EYS: variants seen among roughly 807,000 people sequenced by gnomAD.
The protein encoded by EYS is protein eyes shut homolog.
In EYS, 250 loss-of-function variants were observed where a neutral mutation model predicts 282.1. The observed-to-expected ratio is 0.89, with a 90% CI of 0.80 to 0.98. The LOEUF (loss-of-function observed/expected upper bound fraction) is 0.98, where lower values mean the gene tolerates loss of function less well. Ranked by LOEUF, EYS falls within the 50% of genes least tolerant of loss-of-function variation. The pLI, the probability that EYS is intolerant of heterozygous loss-of-function variation, is 0.00. For synonymous variants in EYS, 1,355 were observed against 1,282.9 expected (o/e 1.06, Z -1.20); for missense variants, 4,016 against 3,709.0 (o/e 1.08, Z -2.15).
intron 21 of EYS, among the ~76,000 whole-genome samples, chr6:64,817,931 A>G (rs1452662026): frequency 3.3e-5 from 5 of 152,220 alleles, no homozygotes; most frequent in East Asian, 3.9e-4. Flanking sequence ...GAGAACTTAC[A>G]TGAGTCCTTG....
At chr6:65,698,956 G>A (rs751762275) in intron 1 of EYS, among the ~76,000 whole-genome samples, 23 of 152,100 alleles carry the variant, frequency 1.5e-4, no homozygotes, top group Non-Finnish European at 2.6e-4. Flanking sequence ...AACATAATGT[G>A]TATTTCTTCA....
intron 36 of EYS, among the ~76,000 whole-genome samples, chr6:63,840,355 C>T (rs1002850134): frequency 7.9e-5 from 12 of 151,956 alleles, no homozygotes; most frequent in Admixed American, 1.3e-4. Context: ...TGAGCCACCA[C>T]GCCCAGCCCC....
intron 31 of EYS, among the ~76,000 whole-genome samples, chr6:64,195,597 C>G (rs1336457716): frequency 1.3e-5 from 2 of 152,112 alleles, no homozygotes; most frequent in Non-Finnish European, 2.9e-5. Flanking sequence ...CTATGCCCAG[C>G]TTTTTTATTA....
chr6:64,880,839 C>T (rs62417103), intron 19 of EYS, among the ~76,000 whole-genome samples: 20,126 of 142,214 alleles, frequency 0.14, 1,739 homozygotes, highest in East Asian at 0.51. Flanking sequence ...TATATATATA[C>T]ACACACACAT....
At chr6:64,189,501 A>G (rs1765042949) in intron 31 of EYS, among the ~76,000 whole-genome samples, 1 of 152,240 alleles carries the variant, frequency 6.6e-6, no homozygotes, top group African/African-American at 2.4e-5. Context: ...AATCAGCTTC[A>G]TGTGTCCACT....
chr6:64,836,203 G>T (rs996408820), intron 19 of EYS, among the ~76,000 whole-genome samples: 1 of 150,086 alleles, frequency 6.7e-6, no homozygotes, highest in Non-Finnish European at 1.5e-5. Context: ...TTTTCATTTG[G>T]TGACATGGTC....
intron 33 of EYS, among the ~76,000 whole-genome samples, chr6:64,045,383 G>GTTTATTTTATTTTAT (rs548483513): frequency 2.1e-3 from 291 of 137,536 alleles, no homozygotes; most frequent in South Asian, 5.6e-3. Flanking sequence ...GGTGAAACAA[G>GTTTATTTTATTTTAT]TTTATTTTAT....
At chr6:64,305,879 A>G (rs1769426494) in intron 30 of EYS, among the ~76,000 whole-genome samples, 1 of 152,208 alleles carries the variant, frequency 6.6e-6, no homozygotes, top group African/African-American at 2.4e-5. Context: ...AAAAACAGAC[A>G]TTAGACTTCA....
At chr6:64,340,887 C>T (rs1057378279) in intron 29 of EYS, among the ~76,000 whole-genome samples, 18 of 151,622 alleles carry the variant, frequency 1.2e-4, no homozygotes, top group Non-Finnish European at 2.4e-4. Context: ...CAAATAACAC[C>T]ATTAAAATGT....
At chr6:64,567,442 T>C (rs577786795) in intron 26 of EYS, among the ~76,000 whole-genome samples, 1 of 152,338 alleles carries the variant, frequency 6.6e-6, no homozygotes, top group South Asian at 2.1e-4. Flanking sequence ...GTGTCAAGCA[T>C]GGTATTATAT....
intron 5 of EYS, among the ~76,000 whole-genome samples, chr6:65,427,832 A>G (rs941055801): frequency 2.6e-5 from 4 of 152,108 alleles, no homozygotes; most frequent in African/African-American, 9.6e-5. Context: ...ATAATTCATG[A>G]CATACTAAGG....
At chr6:64,856,598 C>T (rs1166961268) in intron 19 of EYS, among the ~76,000 whole-genome samples, 1 of 152,042 alleles carries the variant, frequency 6.6e-6, no homozygotes, top group African/African-American at 2.4e-5. Context: ...GGTGCCTGGC[C>T]TGCCCATTTT....
intron 35 of EYS, among the ~76,000 whole-genome samples, chr6:63,912,784 C>T (rs1450497428): frequency 6.0e-5 from 9 of 150,536 alleles, no homozygotes; most frequent in East Asian, 4.0e-4. Flanking sequence ...ACTCCCCACC[C>T]GCCCCCCCGA....
intron 35 of EYS, among the ~76,000 whole-genome samples, chr6:63,910,964 C>T (rs596378): frequency 0.97 from 147,931 of 152,276 alleles, 71,977 homozygotes; most frequent in Middle Eastern, 1. Context: ...CTCAGAATGA[C>T]TTCTATTCAT....
At chr6:64,105,706 T>C (rs549626226) in intron 31 of EYS, among the ~76,000 whole-genome samples, 1 of 152,284 alleles carries the variant, frequency 6.6e-6, no homozygotes, top group East Asian at 1.9e-4. Flanking sequence ...CTTTTCAGAT[T>C]GACTTCTTCC....
chr6:65,329,800 T>A, intron 11 of EYS: 1 of 982,854 alleles, frequency 1.0e-6, no homozygotes. Flanking sequence ...TACTATACTT[T>A]TGTGCCATAT....
At chr6:65,082,243 C>T (rs1270259445) in intron 12 of EYS, among the ~76,000 whole-genome samples, 1 of 151,996 alleles carries the variant, frequency 6.6e-6, no homozygotes, top group Non-Finnish European at 1.5e-5. Context: ...TTACCATTCA[C>T]CTGATTGCCA....
Position 64,588,810 on chromosome 6 carries a change from A to AAATG in EYS, c.5644+1409_5644+1412dup, listed in dbSNP as rs540270944. Among the ~76,000 whole-genome samples, 181 of 152,176 alleles carry AAATG rather than the reference A, an allele frequency of 1.2e-3. 1 individual carries two copies. The highest frequency in any genetic ancestry group is 2.0e-3 in the Non-Finnish European group (133 of 67,980). On this transcript the variant is annotated intron_variant, in intron 26 of 42. Transcript: ENST00000503581. The stretch of plus-strand genomic sequence containing the variant: ...TGGAAAATGTCAACAAATGCCTTGC[A>AAATG]AATGATTTATTATAATGACTAAATG...
At chr6:64,709,682 T>C (rs1583066869) in intron 22 of EYS, among the ~76,000 whole-genome samples, 1 of 152,312 alleles carries the variant, frequency 6.6e-6, no homozygotes, top group Admixed American at 6.5e-5. Context: ...GAAGTCAGAT[T>C]GTATGAAGGA....
Sources: allele counts gnomAD v4.1 joint callset (sites outside exome capture counted in the v4.1 genomes callset), GRCh38; gene constraint gnomAD v4.1.1; transcripts MANE v1.5; gene names NCBI Gene and HGNC (gene_info 2026-07-23, HGNC 2026-07-21).